FRMD5: variants seen among roughly 807,000 people sequenced by gnomAD.
FRMD5 encodes FERM domain containing 5.
Under a neutral mutation model 69.0 loss-of-function variants are expected in FRMD5, and 20 were observed. The observed-to-expected ratio is 0.29, with a 90% confidence interval of 0.20 to 0.42. FRMD5 has a LOEUF of 0.42. FRMD5 is among the 10% of genes least tolerant of loss of function. The pLI is 1.00. For synonymous variants in FRMD5, 271 were observed against 260.1 expected (o/e 1.04, Z -0.40); for missense variants, 595 against 708.6 (o/e 0.84, Z 1.82).
intron 1 of FRMD5, among the ~76,000 whole-genome samples, chr15:43,978,974 C>T (rs2090506938): frequency 6.6e-6 from 1 of 152,202 alleles, no homozygotes. Context: ...TCTCCTAAAT[C>T]TCCAGTAAGT....
intron 1 of FRMD5, among the ~76,000 whole-genome samples, chr15:43,976,062 T>TAAA (rs201696655): frequency 8.2e-6 from 1 of 122,282 alleles, no homozygotes; most frequent in African/African-American, 3.0e-5. Flanking sequence ...ATCTATGTGC[T>TAAA]AAAAAAAAAA....
intron 7 of FRMD5, among the ~76,000 whole-genome samples, chr15:43,899,556 C>T (rs1481616239): frequency 6.6e-6 from 1 of 152,170 alleles, no homozygotes; most frequent in East Asian, 1.9e-4. Flanking sequence ...CATCTACCTC[C>T]CAGGGCTGGT....
chr15:43,873,050 C>A lies in FRMD5; in HGVS notation c.*835G>T. On this transcript the variant is annotated 3_prime_UTR_variant, in exon 14 of 14. Transcript: ENST00000417257. ...CTGGTACCACTGAATTCGTTTAACG[C>A]CCCTGGAGCACTATAAAAGTCTTGA... 1 of 826,208 alleles carries A rather than the reference C, an allele frequency of 1.2e-6. No homozygotes were observed. The highest frequency in any genetic ancestry group is 1.7e-5 in the African/African-American group (1 of 57,994). The allele number at this position is 826,208 out of a possible 1,614,324, so 51.2% of individuals were successfully genotyped here.
At chr15:43,933,079 C>A (rs2089702496) in intron 1 of FRMD5, among the ~76,000 whole-genome samples, 1 of 152,206 alleles carries the variant, frequency 6.6e-6, no homozygotes, top group Non-Finnish European at 1.5e-5. Flanking sequence ...AACAACCTCA[C>A]TGGAACAACA....
intron 1 of FRMD5, among the ~76,000 whole-genome samples, chr15:44,085,861 T>C (rs1421588162): frequency 6.6e-6 from 1 of 152,130 alleles, no homozygotes; most frequent in African/African-American, 2.4e-5. Flanking sequence ...CAACCCCATA[T>C]ATACATTATC....
chr15:43,905,677 A>T, intron 6 of FRMD5, 151 bp downstream of exon 6: 3 of 950,384 alleles, frequency 3.2e-6, no homozygotes, highest in Admixed American at 2.3e-5. Context: ...TCAGTGTATC[A>T]CTGACAATGG....
intron 13 of FRMD5, chr15:43,875,855 TCTTC>T (rs1194760984): frequency 4.0e-5 from 27 of 671,418 alleles, no homozygotes; most frequent in Non-Finnish European, 6.2e-5. Context: ...GATTTTATTT[TCTTC>T]CTTCAACCAT....
Position 44,172,708 on chromosome 15 carries a change from C to T in FRMD5, c.102+22245G>A, listed in dbSNP as rs139518886. On this transcript the variant is annotated intron_variant, in intron 1 of 13. Transcript: ENST00000417257. ...CAGATGTGCTTGTTCTCCAGAATAC[C>T]CATTCATCTCAGAACTACTTAAAAT... Among the ~76,000 whole-genome samples, 535 of 152,114 alleles carry T rather than the reference C, an allele frequency of 3.5e-3. 1 individual carries two copies. The highest frequency in any genetic ancestry group is 0.012 in the African/African-American group (517 of 41,498).
At chr15:43,910,721 A>G (rs2089272807) in intron 4 of FRMD5, among the ~76,000 whole-genome samples, 1 of 152,222 alleles carries the variant, frequency 6.6e-6, no homozygotes, top group Non-Finnish European at 1.5e-5. Flanking sequence ...AACAAGAGCA[A>G]ATAGTAGCTG....
At chr15:44,173,883 TAAATAGCACTAA>T (rs1264347118) in intron 1 of FRMD5, among the ~76,000 whole-genome samples, 1 of 152,154 alleles carries the variant, frequency 6.6e-6, no homozygotes, top group Non-Finnish European at 1.5e-5. Context: ...AAACTATAGC[TAAATAGCACTAA>T]AATGTATAAA....
chr15:43,898,220 C>G (rs2088960945), intron 7 of FRMD5, among the ~76,000 whole-genome samples: 1 of 152,152 alleles, frequency 6.6e-6, no homozygotes, highest in Non-Finnish European at 1.5e-5. Flanking sequence ...AAGCACAGCA[C>G]TGAGACTCAG....
At chr15:43,902,404 A>G (rs2089068225) in intron 6 of FRMD5, 142 bp from the exon 7 acceptor site, 1 of 674,236 alleles carries the variant, frequency 1.5e-6, no homozygotes, top group Admixed American at 2.4e-5. Flanking sequence ...TTCTAGGACC[A>G]ACTTCGAGAC....
chr15:44,010,655 G>C lies in FRMD5; in HGVS notation c.103-86346C>G, dbSNP rs140955504. ...CTGCCTTGGCCTCCCAAAGTGCTGG[G>C]ATTATAGGCGTGAGCTACCATGCCT... On this transcript the variant is annotated intron_variant, in intron 1 of 13. Transcript: ENST00000417257. 2.6e-5 allele frequency among the ~76,000 whole-genome samples: 4 copies of C among 152,262 alleles called. No individual in the cohort carries two copies. The East Asian group carries it at 7.7e-4, about 29-fold the overall frequency.
intron 1 of FRMD5, among the ~76,000 whole-genome samples, chr15:44,088,623 C>A (rs1210065971): frequency 1.3e-5 from 2 of 152,082 alleles, no homozygotes; most frequent in Non-Finnish European, 1.5e-5. Context: ...CAGAGAGGTA[C>A]TCAGGACTGA....
intron 1 of FRMD5, among the ~76,000 whole-genome samples, chr15:43,951,380 C>T (rs1283702920): frequency 6.6e-6 from 1 of 150,816 alleles, no homozygotes; most frequent in African/African-American, 2.5e-5. Context: ...CAAGATCGCG[C>T]CACTGCACTC....
At chr15:44,137,922 T>C (rs1327440740) in intron 1 of FRMD5, among the ~76,000 whole-genome samples, 1 of 152,150 alleles carries the variant, frequency 6.6e-6, no homozygotes, top group Non-Finnish European at 1.5e-5. Flanking sequence ...AAAGCAGTTA[T>C]GTCATACTGT....
intron 1 of FRMD5, among the ~76,000 whole-genome samples, chr15:44,096,265 G>C (rs1012299347): frequency 6.6e-6 from 1 of 151,010 alleles, no homozygotes; most frequent in Non-Finnish European, 1.5e-5. Context: ...TCCAACTCAG[G>C]GTGATCCATT....
At chr15:44,015,324 C>A (rs1489957664) in intron 1 of FRMD5, among the ~76,000 whole-genome samples, 1 of 151,944 alleles carries the variant, frequency 6.6e-6, no homozygotes, top group African/African-American at 2.4e-5. Flanking sequence ...TTGGTTTTTA[C>A]AGAGCTGGGG....
At chr15:43,894,627 A>G (rs1046818710) in intron 7 of FRMD5, among the ~76,000 whole-genome samples, 2 of 151,800 alleles carry the variant, frequency 1.3e-5, no homozygotes, top group African/African-American at 4.8e-5. Context: ...AGGCTACTGG[A>G]CAGCTTGAAA....
Sources: gnomAD v4.1 joint callset for allele counts (sites outside exome capture counted in the v4.1 genomes callset) on GRCh38, gnomAD v4.1.1 for gene constraint, MANE v1.5 for transcripts, NCBI Gene and HGNC (gene_info 2026-07-23, HGNC 2026-07-21) for gene names.